Variants in PLCB1 observed in about 807,000 individuals in gnomAD.
The protein encoded by PLCB1 is 1-phosphatidylinositol 4,5-bisphosphate phosphodiesterase beta-1.
A neutral mutation model predicts 161.8 loss-of-function variants in PLCB1; 46 were observed. That is an observed-to-expected ratio of 0.28 (90% CI 0.22 to 0.36). PLCB1 has a LOEUF of 0.36. PLCB1 is among the 10% of genes least tolerant of loss of function. PLCB1 has a pLI of 1.00. For missense variants in PLCB1, 1,016 were observed against 1,472.5 expected, an observed-to-expected ratio of 0.69 and a Z score of 5.07; for synonymous variants, 517 against 503.7, an observed-to-expected ratio of 1.03 and a Z score of -0.35.
At position 8,279,307 on chromosome 20, in the gene PLCB1, G is replaced by T. The variant is rs560953356; in HGVS notation, c.178-92075G>T. ...AACTATTTAGCCTTAAAAAAGCCAT[G>T]AAAGTCTGATATTTCCTAGAAGACA... On this transcript the variant is annotated intron_variant, in intron 2 of 31. Coordinates refer to ENST00000338037, the MANE Select transcript of PLCB1 (RefSeq NM_015192.4). Among the ~76,000 whole-genome samples the T allele has an allele frequency of 4.7e-4, 72 of 152,286 alleles. No individual in the cohort carries two copies. In the South Asian group the frequency reaches 0.014, roughly 30 times the overall value.
At chr20:8,789,937 A>T (rs1181634064) in intron 30 of PLCB1, among the ~76,000 whole-genome samples, 2 of 152,172 alleles carry the variant, frequency 1.3e-5, no homozygotes, top group East Asian at 3.8e-4. Context: ...AGAAATGTTT[A>T]CATATTTATA....
chr20:8,350,846 G>A (rs1052232067), intron 2 of PLCB1, among the ~76,000 whole-genome samples: 1 of 152,146 alleles, frequency 6.6e-6, no homozygotes, highest in Non-Finnish European at 1.5e-5. Context: ...GATAAAATAA[G>A]TTGAAGAAAG....
At chr20:8,607,769 G>T (rs892525444) in intron 3 of PLCB1, among the ~76,000 whole-genome samples, 9 of 152,128 alleles carry the variant, frequency 5.9e-5, no homozygotes, top group African/African-American at 2.2e-4. Context: ...CCTGACACAT[G>T]TTTTGCCTTC....
At chr20:8,586,094 A>G (rs1986979878) in intron 3 of PLCB1, among the ~76,000 whole-genome samples, 1 of 152,218 alleles carries the variant, frequency 6.6e-6, no homozygotes, top group Admixed American at 6.5e-5. Flanking sequence ...AATCACATCA[A>G]TTAAACTGGG....
chr20:8,757,865 GAATAAATAAATA>G lies in PLCB1; in HGVS notation c.2656+706_2656+717del, dbSNP rs147856693. Among the ~76,000 whole-genome samples the G allele has an allele frequency of 5.4e-5, 8 of 148,864 alleles. No homozygotes were observed. The South Asian group carries it at 6.4e-4, about 12-fold the overall frequency. ...GTCTCATTTCTCAAAATGAATAAATGAATAAATAAATAAATAAATAAATAAATAAAATAAAAA... is the reference window on the plus strand; with the variant it reads ...GTCTCATTTCTCAAAATGAATAAATGAATAAATAAATAAATAAAATAAAAA... On this transcript the variant is annotated intron_variant, in intron 24 of 31. Coordinates refer to ENST00000338037, the MANE Select transcript of PLCB1 (RefSeq NM_015192.4).
At chr20:8,429,552 A>G (rs1456490999) in intron 3 of PLCB1, among the ~76,000 whole-genome samples, 1 of 152,038 alleles carries the variant, frequency 6.6e-6, no homozygotes, top group Non-Finnish European at 1.5e-5. Context: ...AGGTATCCCA[A>G]CTAACAAGGG....
chr20:8,500,831 A>G (rs1317898844), intron 3 of PLCB1, among the ~76,000 whole-genome samples: 1 of 152,216 alleles, frequency 6.6e-6, no homozygotes, highest in Non-Finnish European at 1.5e-5. Flanking sequence ...TCCCTAAGAC[A>G]TAGTTTCTTC....
At chr20:8,490,857 T>G (rs945677687) in intron 3 of PLCB1, among the ~76,000 whole-genome samples, 1 of 140,190 alleles carries the variant, frequency 7.1e-6, no homozygotes, top group Admixed American at 6.8e-5. Flanking sequence ...CTCATATATA[T>G]AGGCATATAT....
At chr20:8,199,048 A>G (rs1351089092) in intron 2 of PLCB1, among the ~76,000 whole-genome samples, 1 of 152,052 alleles carries the variant, frequency 6.6e-6, no homozygotes, top group Admixed American at 6.6e-5. Flanking sequence ...ATGTGGCTAT[A>G]CATAATTATT....
intron 2 of PLCB1, among the ~76,000 whole-genome samples, chr20:8,297,217 A>G (rs1466775932): frequency 6.6e-6 from 1 of 152,072 alleles, no homozygotes; most frequent in East Asian, 1.9e-4. Flanking sequence ...ATGTATATCT[A>G]TATGTGTATA....
At chr20:8,458,560 C>G (rs990110414) in intron 3 of PLCB1, among the ~76,000 whole-genome samples, 1 of 152,174 alleles carries the variant, frequency 6.6e-6, no homozygotes, top group Non-Finnish European at 1.5e-5. Flanking sequence ...ATTGCCCAGG[C>G]CTTCACTCTT....
At chr20:8,605,245 C>G (rs1987721703) in intron 3 of PLCB1, among the ~76,000 whole-genome samples, 1 of 152,016 alleles carries the variant, frequency 6.6e-6, no homozygotes, top group Non-Finnish European at 1.5e-5. Flanking sequence ...CAGTTAATAA[C>G]AAACAGCATA....
intron 3 of PLCB1, among the ~76,000 whole-genome samples, chr20:8,426,548 TGAG>T (rs1305864958): frequency 6.6e-6 from 1 of 152,044 alleles, no homozygotes; most frequent in African/African-American, 2.4e-5. Context: ...CTTCAGAAAG[TGAG>T]GAGATGCAGG....
intron 3 of PLCB1, among the ~76,000 whole-genome samples, chr20:8,547,561 A>C (rs1238165777): frequency 6.5e-5 from 5 of 76,958 alleles, no homozygotes; most frequent in Non-Finnish European, 1.9e-4. Flanking sequence ...AACCCGTTCT[A>C]TGTTCTGAAA....
chr20:8,464,388 T>C (rs539261860), intron 3 of PLCB1, among the ~76,000 whole-genome samples: 1 of 152,272 alleles, frequency 6.6e-6, no homozygotes, highest in South Asian at 2.1e-4. Flanking sequence ...TGTTTTCCTT[T>C]TCTCAATAGA....
At chr20:8,763,124 C>T (rs1267533492) in intron 25 of PLCB1, among the ~76,000 whole-genome samples, 5 of 152,188 alleles carry the variant, frequency 3.3e-5, no homozygotes, top group African/African-American at 1.2e-4. Context: ...CCATAAGATG[C>T]ATCTTGATTT....
At chr20:8,284,145 T>C (rs914469298) in intron 2 of PLCB1, among the ~76,000 whole-genome samples, 4 of 152,040 alleles carry the variant, frequency 2.6e-5, no homozygotes, top group African/African-American at 9.7e-5. Flanking sequence ...CACATTGTAT[T>C]ACTCTTAATG....
chr20:8,362,759 T>A (rs1986584659), intron 2 of PLCB1, among the ~76,000 whole-genome samples: 1 of 152,214 alleles, frequency 6.6e-6, no homozygotes, highest in Non-Finnish European at 1.5e-5. Context: ...TGAAAACTAG[T>A]GTTATATTTA....
At chr20:8,701,353 C>A (rs1978347208) in intron 11 of PLCB1, among the ~76,000 whole-genome samples, 1 of 152,146 alleles carries the variant, frequency 6.6e-6, no homozygotes, top group South Asian at 2.1e-4. Context: ...ACAGGCTCTT[C>A]CCTCTGCCTG....
Sources: gnomAD v4.1 joint callset for allele counts (sites outside exome capture counted in the v4.1 genomes callset) on GRCh38, gnomAD v4.1.1 for gene constraint, MANE v1.5 for transcripts, NCBI Gene and HGNC (gene_info 2026-07-23, HGNC 2026-07-21) for gene names.